Variants in USP35 observed in about 807,000 individuals in gnomAD.
USP35 encodes the protein ubiquitin specific peptidase 35.
Under a neutral mutation model 83.8 loss-of-function variants are expected in USP35, and 69 were observed. The observed-to-expected ratio is 0.82, with a 90% CI of 0.68 to 1.01. The LOEUF is 1.01. Ranked by LOEUF, USP35 falls within the 50% of genes least tolerant of loss-of-function variation. USP35 has a pLI of 0.00. For synonymous variants in USP35, 714 were observed against 589.5 expected (o/e 1.21, Z -3.06); for missense variants, 1,503 against 1,362.5 (o/e 1.10, Z -1.62).
chr11:78,210,560 C>G lies in USP35; in HGVS notation c.2705C>G (p.Ser902Cys), dbSNP rs773290333. 8 of 1,613,110 alleles carry G rather than the reference C, an allele frequency of 5.0e-6. No homozygotes were observed. Among genetic ancestry groups the G allele is most frequent in the Non-Finnish European group, 5.9e-6 (7 of 1,179,116 alleles). ...LFNDTRVSFSSFESVSNVTSF... is the reference protein window; with the variant it reads ...LFNDTRVSFSCFESVSNVTSF... ...AATGACACTCGGGTGTCCTTCTCTTCCTTCGAATCTGTCAGCAACGTCACC... is the reference window on the plus strand; with the variant it reads ...AATGACACTCGGGTGTCCTTCTCTTGCTTCGAATCTGTCAGCAACGTCACC... Residue 902 changes from serine (S) to cysteine (C), a missense_variant, in exon 10 of 11, where the codon TCC becomes TGC. Ser to Cys is a moderately radical substitution (Grantham distance 112). Transcript: ENST00000529308.
rs1034434395 is a variant in USP35, at chr11:78,213,968, A to C, written c.*155A>C. On this transcript the variant is annotated 3_prime_UTR_variant, in exon 11 of 11. Coordinates refer to ENST00000529308, the MANE Select transcript of USP35 (RefSeq NM_020798.4). ...AGGGTACACAGAGATTCTCTCAGAT[A>C]TGGAAGTAAGACCTAAGTCCCTTTC... 1.2e-6 allele frequency: 1 copy of C among 812,958 alleles called. No individual in the cohort carries two copies. Among genetic ancestry groups the C allele is most frequent in the Non-Finnish European group, 1.8e-6 (1 of 568,434 alleles). 50.4% of individuals were successfully genotyped at this position (812,958 alleles called of 1,614,324 possible). A position where few individuals can be genotyped will look rare whatever the true frequency, so the allele number is the denominator to read the frequency against.
At chr11:78,216,529 C>G (rs1864155177), downstream of USP35, 1 of 152,188 alleles carries the variant, frequency 6.6e-6, no homozygotes, top group South Asian at 2.1e-4. Flanking sequence ...ACCTCTCATC[C>G]TTCCATCTCT....
intron 6 of USP35, among the ~76,000 whole-genome samples, chr11:78,203,094 G>A (rs1338572478): frequency 1.3e-5 from 2 of 152,160 alleles, no homozygotes; most frequent in East Asian, 1.9e-4. Flanking sequence ...TGTCTGATCA[G>A]GGGATGAGGG....
chr11:78,208,938 G>C lies in USP35; in HGVS notation c.1567G>C (p.Glu523Gln). The C allele has an allele frequency of 6.2e-7, 1 of 1,614,208 alleles. No homozygotes were observed. The highest frequency in any genetic ancestry group is 8.5e-7 in the Non-Finnish European group (1 of 1,180,028). Reference sequence around the variant, plus strand: ...CCCTGGCACCCAGCAGGACTGCTCGGAGTATCTGAAGTACCTGCTGGATCG... The same window carrying C: ...CCCTGGCACCCAGCAGGACTGCTCGCAGTATCTGAAGTACCTGCTGGATCG... ...FSPGTQQDCS[E>Q]YLKYLLDRLH... The change falls in exon 9 of 11, where the codon GAG becomes CAG. Residue 523 changes from glutamate to glutamine, a missense_variant. Glu to Gln is a conservative substitution (Grantham distance 29). Coordinates refer to ENST00000529308, the MANE Select transcript of USP35 (RefSeq NM_020798.4).
chr11:78,201,717 A>G (rs1030952652), intron 6 of USP35, among the ~76,000 whole-genome samples: 7 of 152,208 alleles, frequency 4.6e-5, no homozygotes, highest in South Asian at 2.1e-4. Flanking sequence ...CAAGAAACCT[A>G]CAAAGATGAT....
chr11:78,189,088 GC>G lies in USP35; in HGVS notation c.-77del. On this transcript the variant is annotated 5_prime_UTR_variant, in exon 1 of 11. Transcript: ENST00000529308. ...AGAGGACCAGCCCTGACCTAGCCGGGCCCAGCCTCGTCCTGCCCGGCCTGAG... is the reference window on the plus strand; with the variant it reads ...AGAGGACCAGCCCTGACCTAGCCGGGCCAGCCTCGTCCTGCCCGGCCTGAG... 1 of 510,336 alleles carries G rather than the reference GC, an allele frequency of 2.0e-6. No individual in the cohort carries two copies. Among genetic ancestry groups the G allele is most frequent in the Non-Finnish European group, 2.5e-6 (1 of 395,694 alleles). The allele number at this position is 510,336 out of a possible 1,614,324, so 31.6% of individuals were successfully genotyped here. A position where few individuals can be genotyped will look rare whatever the true frequency, so the allele number is the denominator to read the frequency against.
chr11:78,237,090 T>C, the USP35 span, among the ~76,000 whole-genome samples: 2 of 152,216 alleles, frequency 1.3e-5, no homozygotes, highest in Admixed American at 1.3e-4. Flanking sequence ...CCTCCTCCTA[T>C]GTTTTCTGAA....
chr11:78,194,749 CA>C (rs1306045859), intron 1 of USP35, among the ~76,000 whole-genome samples: 1 of 152,142 alleles, frequency 6.6e-6, no homozygotes, highest in African/African-American at 2.4e-5. Context: ...CTGCACCCTG[CA>C]TTTGCTCATC....
chr11:78,198,106 C>G (rs758942823), intron 3 of USP35, 38 bp downstream of exon 3: 1 of 1,612,126 alleles, frequency 6.2e-7, no homozygotes. Flanking sequence ...AGGGCTGGGG[C>G]CCCTCCCTCT....
At chr11:78,221,710 G>C in the USP35 span, 3 of 1,613,416 alleles carry the variant, frequency 1.9e-6, no homozygotes, top group East Asian at 6.7e-5. Flanking sequence ...TGTCTCCTGA[G>C]TCTGTGCTGG....
chr11:78,203,640 G>A (rs560031024), intron 6 of USP35, among the ~76,000 whole-genome samples: 20 of 151,772 alleles, frequency 1.3e-4, no homozygotes, highest in African/African-American at 3.1e-4. Flanking sequence ...GTGCAGTGGC[G>A]TGATCTCGGC....
rs778489187 is a variant in USP35 at position 78,213,824 on chromosome 11, C to CCCTGT, written c.*11_*12insCCTGT. On this transcript the variant is annotated 3_prime_UTR_variant, in exon 11 of 11. Transcript: ENST00000529308. The stretch of plus-strand genomic sequence containing the variant: ...AGACTGGTCTTCTAATGTGAACCTG[C>CCCTGT]TGCCAACCTGACCCCTTCCCTCCAG... 3.5e-5 allele frequency: 54 copies of CCCTGT among 1,544,744 alleles called. No individual in the cohort carries two copies. In the South Asian group the frequency reaches 6.8e-4, roughly 20 times the overall value.
In USP35 at chr11:78,210,276, ACTGCTGCG is replaced by A; in HGVS notation, c.2424_2431del (p.Arg810PhefsTer14). ...AAGGGCCGTGCTACCTCATCCTCAC[ACTGCTGCG>A]CTTCTCTTTCGACCTGCGCACCATG... On this transcript the variant is annotated frameshift_variant, in exon 10 of 11. Transcript: ENST00000529308. LOFTEE classifies it high-confidence loss of function. 6.2e-7 allele frequency: 1 copy of A among 1,614,068 alleles called. No individual in the cohort carries two copies. Among genetic ancestry groups the A allele is most frequent in the Non-Finnish European group, 8.5e-7 (1 of 1,180,026 alleles).
chr11:78,197,860 T>G, intron 2 of USP35, 76 bp from the exon 3 acceptor site: 2 of 1,548,902 alleles, frequency 1.3e-6, no homozygotes, highest in Non-Finnish European at 1.7e-6. Context: ...GTTCGTTGGC[T>G]CCTGCAGGGC....
At chr11:78,221,688 A>G in the USP35 span, 1 of 1,610,148 alleles carries the variant, frequency 6.2e-7, no homozygotes. Context: ...ATAGGGACAT[A>G]GTTCTCTTCG....
chr11:78,218,619 A>G (rs1435341248), downstream of USP35: 1 of 153,324 alleles, frequency 6.5e-6, no homozygotes, highest in East Asian at 1.9e-4. Context: ...CTGTCCTGCC[A>G]TGGCCTCAGC....
chr11:78,215,733 C>G (rs1590929385), downstream of USP35: 1 of 152,260 alleles, frequency 6.6e-6, no homozygotes, highest in South Asian at 2.1e-4. Context: ...ATTGTGGTCC[C>G]AGGTCCTAAA....
At chr11:78,216,356 G>A (rs1457402652), downstream of USP35, 1 of 152,216 alleles carries the variant, frequency 6.6e-6, no homozygotes, top group African/African-American at 2.4e-5. Context: ...CAGGCCCCCA[G>A]GAGAGGTGGA....
rs1212148060 is a variant in USP35 at position 78,200,672 on chromosome 11, T to C, written c.1061T>C (p.Met354Thr). 1.2e-6 allele frequency: 2 copies of C among 1,612,630 alleles called. No individual in the cohort carries two copies. The highest frequency in any genetic ancestry group is 1.1e-5 in the South Asian group (1 of 90,952). The change falls in exon 6 of 11, where the codon ATG (methionine) becomes ACG (threonine). Residue 354 changes from methionine to threonine, a missense_variant. Physicochemically the swap from Met to Thr is moderately conservative, Grantham distance 81 (BLOSUM62 -1). Coordinates refer to ENST00000529308, the MANE Select transcript of USP35 (RefSeq NM_020798.4). ...CAGCTCCTCCCTCACATCCCCCCCA[T>C]GGTGGCCTCTCTGGTCAAGGAGGAC... ...FHLLLPHIPP[M>T]VASLVKEDSN...
Sources: gnomAD v4.1 joint callset for allele counts (sites outside exome capture counted in the v4.1 genomes callset) on GRCh38, gnomAD v4.1.1 for gene constraint, MANE v1.5 for transcripts, NCBI Gene and HGNC (gene_info 2026-07-23, HGNC 2026-07-21) for gene names.